The following IST1 variants were observed in gnomAD, a reference collection of about 807,000 sequenced individuals.
IST1 encodes IST1 homolog.
IST1 carries 23 observed loss-of-function variants against 37.0 expected under a neutral mutation model. That is an observed-to-expected ratio of 0.62 (90% CI 0.45 to 0.88). The LOEUF (loss-of-function observed/expected upper bound fraction) is 0.88. IST1 is among the 40% of genes least tolerant of loss of function. The pLI, the probability that IST1 is intolerant of heterozygous loss-of-function variation, is 0.00. For missense variants in IST1, 488 were observed against 445.4 expected, an observed-to-expected ratio of 1.10 and a Z score of -0.86; for synonymous variants, 180 against 161.7, an observed-to-expected ratio of 1.11 and a Z score of -0.86.
In IST1 at chr16:71,928,362, A is replaced by G. The variant is rs756208302; in HGVS notation, c.*549A>G. 1 of 166,272 alleles carries G rather than the reference A, an allele frequency of 6.0e-6. No individual in the cohort carries two copies. Among genetic ancestry groups the G allele is most frequent in the Admixed American group, 5.9e-5 (1 of 17,094 alleles). 10.3% of individuals were successfully genotyped at this position (166,272 alleles called of 1,614,324 possible). ...CGGTTCCTGGAAGCTGGGCCCTCTC[A>G]TTGGCATATACAGTACTCCTCGCTG... On this transcript the variant is annotated 3_prime_UTR_variant, in exon 10 of 10. Transcript: ENST00000378799.
chr16:71,929,829 C>G lies in IST1; in HGVS notation c.*2016C>G. 1.0e-6 allele frequency: 1 copy of G among 962,104 alleles called. No homozygotes were observed. 59.6% of individuals were successfully genotyped at this position (962,104 alleles called of 1,614,324 possible). Reference sequence around the variant, plus strand: ...GCAGTCAGGCATTGGAGTGTTTCCACTAATGGTTGCGAGCCAACTATTTAT... The same window carrying G: ...GCAGTCAGGCATTGGAGTGTTTCCAGTAATGGTTGCGAGCCAACTATTTAT... On this transcript the variant is annotated 3_prime_UTR_variant, in exon 10 of 10. Coordinates refer to ENST00000378799, the MANE Select transcript of IST1 (RefSeq NM_001270975.2).
upstream of IST1, chr16:71,895,029 G>C: frequency 3.9e-6 from 2 of 508,404 alleles, no homozygotes; most frequent in South Asian, 2.3e-5. Flanking sequence ...AGAGCCCGTA[G>C]AGGGACACGG....
intron 2 of IST1, among the ~76,000 whole-genome samples, 188 bp downstream of exon 2, chr16:71,915,916 CATCT>C (rs1597248310): frequency 6.6e-6 from 1 of 150,864 alleles, no homozygotes; most frequent in East Asian, 2.0e-4. Context: ...CTGCAACCTC[CATCT>C]CGTGGGTTCA....
At chr16:71,897,149 T>G (rs1019046429) in intron 1 of IST1, among the ~76,000 whole-genome samples, 2 of 148,584 alleles carry the variant, frequency 1.3e-5, no homozygotes, top group African/African-American at 5.0e-5. Context: ...GAGTAGTAGC[T>G]GACACTACAG....
Position 71,923,824 on chromosome 16 carries a change from G to A in IST1, c.852+444G>A, listed in dbSNP as rs925293591. On this transcript the variant is annotated intron_variant, in intron 8 of 9. Coordinates refer to ENST00000378799, the MANE Select transcript of IST1 (RefSeq NM_001270975.2). ...AGAAATGTCCAGTTACATGTCGGCC[G>A]ACAGCATTGATTTCACATTTTAGTA... 4.6e-5 allele frequency among the ~76,000 whole-genome samples: 7 copies of A among 152,164 alleles called. No homozygotes were observed. In the East Asian group the frequency reaches 1.2e-3, roughly 25 times the overall value.
chr16:71,925,410 G>A (rs113111181), intron 9 of IST1, among the ~76,000 whole-genome samples: 4,346 of 150,022 alleles, frequency 0.029, 113 homozygotes, highest in Non-Finnish European at 0.041. Flanking sequence ...TCTGCCTCCC[G>A]GGTTCAGGCT....
At chr16:71,913,488 A>G (rs538194417) in intron 1 of IST1, among the ~76,000 whole-genome samples, 8 of 152,108 alleles carry the variant, frequency 5.3e-5, no homozygotes, top group East Asian at 3.9e-4. Flanking sequence ...TTTACATGCA[A>G]TTAGCTCTTG....
chr16:71,917,975 T>C (rs117597210), intron 4 of IST1, among the ~76,000 whole-genome samples: 2 of 152,362 alleles, frequency 1.3e-5, no homozygotes, highest in East Asian at 3.9e-4. Context: ...TCGGTTTACA[T>C]TTAAGAGTGA....
At position 71,930,377 on chromosome 16, in the gene IST1, G is replaced by C; in HGVS notation, c.*2564G>C. 1 of 465,588 alleles carries C rather than the reference G, an allele frequency of 2.1e-6. No individual in the cohort carries two copies. Among genetic ancestry groups the C allele is most frequent in the Non-Finnish European group, 3.6e-6 (1 of 277,702 alleles). The allele number at this position is 465,588 out of a possible 1,614,324, so 28.8% of individuals were successfully genotyped here. A position where few individuals can be genotyped will look rare whatever the true frequency, so the allele number is the denominator to read the frequency against. ...AAGAGCAGGAATGACTCATTTTAAG[G>C]AGGTTAAGATAATTGTGACTGCAGG... On this transcript the variant is annotated 3_prime_UTR_variant, in exon 10 of 10. Transcript: ENST00000378799.
At chr16:71,905,183 G>A (rs763874146) in intron 1 of IST1, among the ~76,000 whole-genome samples, 2 of 151,224 alleles carry the variant, frequency 1.3e-5, no homozygotes, top group East Asian at 3.9e-4. Context: ...CTGCAGGTGC[G>A]TGCCATCACA....
chr16:71,905,991 C>A (rs937186877), intron 1 of IST1, among the ~76,000 whole-genome samples: 5 of 145,692 alleles, frequency 3.4e-5, no homozygotes, highest in Admixed American at 6.9e-5. Context: ...TTAAAAACTT[C>A]TTAAGCAATT....
At position 71,928,380 on chromosome 16, in the gene IST1, C is replaced by T. The variant is rs996242961; in HGVS notation, c.*567C>T. On this transcript the variant is annotated 3_prime_UTR_variant, in exon 10 of 10. Coordinates refer to ENST00000378799, the MANE Select transcript of IST1 (RefSeq NM_001270975.2). ...CCCTCTCATTGGCATATACAGTACTCCTCGCTGCAGGGCACTGTCCCACCG... is the reference window on the plus strand; with the variant it reads ...CCCTCTCATTGGCATATACAGTACTTCTCGCTGCAGGGCACTGTCCCACCG... 2 of 155,526 alleles carry T rather than the reference C, an allele frequency of 1.3e-5. No homozygotes were observed. The highest frequency in any genetic ancestry group is 2.4e-5 in the African/African-American group (1 of 41,462). The allele number at this position is 155,526 out of a possible 1,614,324, so 9.6% of individuals were successfully genotyped here.
At chr16:71,922,726 A>G in intron 7 of IST1, 46 bp downstream of exon 7, 1 of 1,489,050 alleles carries the variant, frequency 6.7e-7, no homozygotes, top group East Asian at 2.4e-5. Flanking sequence ...AATGTTATAG[A>G]TAACAAGTTG....
intron 8 of IST1, chr16:71,923,608 G>A (rs1406770488): frequency 1.0e-5 from 4 of 381,086 alleles, no homozygotes; most frequent in Non-Finnish European, 1.9e-5. Context: ...CCAGGAATCA[G>A]GAAGGAACTG....
Position 71,922,592 on chromosome 16 carries a change from C to G in IST1, c.671C>G (p.Pro224Arg), listed in dbSNP as rs375215968. ...SGGFTAPVGG[P>R]DGTVPMPMPM... The stretch of plus-strand genomic sequence containing the variant: ...GGCTTCACAGCACCAGTTGGTGGAC[C>G]TGATGGAACGGTGCCAATGCCCATG... Residue 224 changes from proline to arginine, a missense_variant, in exon 7 of 10, where the codon CCT becomes CGT. Around this residue, in one of 2 missense-constraint regions of IST1, gnomAD observed 455 missense variants for 386.2 expected, o/e 1.18. Transcript: ENST00000378799. 3.7e-5 allele frequency: 60 copies of G among 1,611,464 alleles called. No individual in the cohort carries two copies. Among genetic ancestry groups the G allele is most frequent in the Non-Finnish European group, 4.7e-5 (56 of 1,179,364 alleles).
At chr16:71,911,731 T>A (rs2037359230) in intron 1 of IST1, among the ~76,000 whole-genome samples, 1 of 150,920 alleles carries the variant, frequency 6.6e-6, no homozygotes, top group Non-Finnish European at 1.5e-5. Context: ...TTTTTTTTTT[T>A]TTTGAGACAG....
Position 71,931,059 on chromosome 16 carries a change from G to C in IST1, c.*3246G>C, listed in dbSNP as rs2037938963. ...TTATTTCCAATAAGTTTATTTTTAT[G>C]TACAATTTTACTGTTTATTTTTTGT... On this transcript the variant is annotated 3_prime_UTR_variant, in exon 10 of 10. Transcript: ENST00000378799. The C allele has an allele frequency of 6.6e-6, 1 of 150,982 alleles. No homozygotes were observed. The highest frequency in any genetic ancestry group is 1.5e-5 in the Non-Finnish European group (1 of 67,704). The allele number at this position is 150,982 out of a possible 1,614,324, so 9.4% of individuals were successfully genotyped here.
chr16:71,895,252 T>C (rs1238380230), upstream of IST1: 1 of 158,120 alleles, frequency 6.3e-6, no homozygotes, highest in Admixed American at 6.5e-5. Context: ...TCAACAGCTG[T>C]GGCTGGCCTC....
intron 4 of IST1, among the ~76,000 whole-genome samples, chr16:71,919,004 G>T (rs1043775948): frequency 6.6e-6 from 1 of 152,164 alleles, no homozygotes; most frequent in Non-Finnish European, 1.5e-5. Flanking sequence ...CTGGAAATGA[G>T]AGTAGCTTCT....
Sources: allele counts gnomAD v4.1 joint callset (sites outside exome capture counted in the v4.1 genomes callset), GRCh38; gene constraint gnomAD v4.1.1; regional missense constraint gnomAD v4.1.1; transcripts MANE v1.5; gene names NCBI Gene and HGNC (gene_info 2026-07-23, HGNC 2026-07-21).